ZIC5: variants seen among roughly 807,000 people sequenced by gnomAD.
ZIC5 encodes zinc finger protein ZIC 5.
A neutral mutation model predicts 28.5 loss-of-function variants in ZIC5; 20 were observed. That is an observed-to-expected ratio of 0.70 (90% CI 0.49 to 1.02). ZIC5 has a LOEUF of 1.02. Ranked by LOEUF, ZIC5 falls within the 50% of genes least tolerant of loss-of-function variation. The pLI, the probability that ZIC5 is intolerant of heterozygous loss-of-function variation, is 0.00. For synonymous variants in ZIC5, 488 were observed against 410.4 expected (o/e 1.19, Z -2.29); for missense variants, 951 against 899.7 (o/e 1.06, Z -0.73).
chr13:99,971,889 G>T, upstream of ZIC5: 2 of 612,102 alleles, frequency 3.3e-6, no homozygotes, highest in Non-Finnish European at 5.5e-6. Flanking sequence ...TCAGGCCCTC[G>T]ACCCAGCGGG....
At chr13:99,969,377 G>A (rs1374631054) in intron 1 of ZIC5, among the ~76,000 whole-genome samples, 4 of 152,194 alleles carry the variant, frequency 2.6e-5, no homozygotes, top group Non-Finnish European at 5.9e-5. Context: ...CGTGTGAGAG[G>A]GCGCGTGGGG....
At chr13:99,965,954 T>G in intron 1 of ZIC5, 135 bp from the exon 2 acceptor site, 1 of 965,356 alleles carries the variant, frequency 1.0e-6, no homozygotes, top group Non-Finnish European at 1.5e-6. Flanking sequence ...TTCTTCCTAA[T>G]TCACAAAAGG....
In ZIC5 at chr13:99,971,114, TGCC is replaced by T; in HGVS notation, c.487_489del (p.Gly163del). 9 of 1,416,352 alleles carry T rather than the reference TGCC, an allele frequency of 6.4e-6. No individual in the cohort carries two copies. The highest frequency in any genetic ancestry group is 3.2e-5 in the East Asian group (1 of 31,592). 87.7% of individuals were successfully genotyped at this position (1,416,352 alleles called of 1,614,324 possible). ...TCCCTGCTGTGGCCTTTGCCGCTGC[TGCC>T]GCCGCCGCCACTGTTGGTGGTGGTG... On this transcript the variant is annotated inframe_deletion, in exon 1 of 2. Coordinates refer to ENST00000267294, the MANE Select transcript of ZIC5 (RefSeq NM_033132.5).
chr13:99,970,524 G>A lies in ZIC5; in HGVS notation c.1080C>T (p.Phe360=). 8.9e-7 allele frequency: 1 copy of A among 1,122,836 alleles called. No homozygotes were observed. 69.6% of individuals were successfully genotyped at this position (1,122,836 alleles called of 1,614,324 possible). ...HPHLPGAAGA[F]LRYMRQPIKQ... is the part of the protein sequence containing the mutation. ...TGATTGGCTGCCGCATGTAGCGCAG[G>A]AAGGCCCCAGCCGCCCCTGGGAGGT... The change falls in exon 1 of 2, where the codon TTC becomes TTT. Residue 360 remains phenylalanine (F), a synonymous_variant. Coordinates refer to ENST00000267294, the MANE Select transcript of ZIC5 (RefSeq NM_033132.5).
chr13:99,968,417 C>T lies in ZIC5; in HGVS notation c.1477+1710G>A, dbSNP rs553123781. Reference sequence around the variant, plus strand: ...CCCAAATGACCGCGGGTCCCCTCGCCGCCTGGGGTCCCCCGCGCCCCCCCC... The same window carrying T: ...CCCAAATGACCGCGGGTCCCCTCGCTGCCTGGGGTCCCCCGCGCCCCCCCC... On this transcript the variant is annotated intron_variant, in intron 1 of 1. Coordinates refer to ENST00000267294, the MANE Select transcript of ZIC5 (RefSeq NM_033132.5). 3.3e-5 allele frequency among the ~76,000 whole-genome samples: 5 copies of T among 152,208 alleles called. No individual in the cohort carries two copies. The East Asian group carries it at 9.7e-4, about 30-fold the overall frequency.
rs761356618 is a variant in ZIC5, at chr13:99,970,140, C to T, written c.1464G>A (p.Lys488=). Residue 488 remains lysine, a synonymous_variant, in exon 1 of 2, where the codon AAG becomes AAA. Coordinates refer to ENST00000267294, the MANE Select transcript of ZIC5 (RefSeq NM_033132.5). ...FARSENLKIH[K]RTHTGEKPFK... ...ACAGACACCCACCTGTATGAGTACG[C>T]TTGTGGATCTTGAGGTTCTCGGAGC... The T allele has an allele frequency of 5.0e-6, 8 of 1,606,614 alleles. No individual in the cohort carries two copies. In the South Asian group the frequency reaches 8.8e-5, roughly 18 times the overall value.
In ZIC5 at chr13:99,970,416, C is replaced by CGGCGGT. The variant is rs1555331233; in HGVS notation, c.1187_1188insACCGCC (p.Pro399_Pro400dup). On this transcript the variant is annotated inframe_insertion, in exon 1 of 2. Coordinates refer to ENST00000267294, the MANE Select transcript of ZIC5 (RefSeq NM_033132.5). ...TGGCGCCGCCGGCCGGGGGCGGTGGCGGCGGCGGCGGCGGCGGCGGCGGCG... is the reference window on the plus strand; with the variant it reads ...TGGCGCCGCCGGCCGGGGGCGGTGGCGGCGGTGGCGGCGGCGGCGGCGGCGGCGGCG... 14 of 507,354 alleles carry CGGCGGT rather than the reference C, an allele frequency of 2.8e-5. No individual in the cohort carries two copies. In the African/African-American group the frequency reaches 1.9e-3, roughly 68 times the overall value. 31.4% of individuals were successfully genotyped at this position (507,354 alleles called of 1,614,324 possible).
Position 99,970,435 on chromosome 13 carries a change from G to A in ZIC5, c.1169C>T (p.Pro390Leu). The A allele has an allele frequency of 9.6e-7, 1 of 1,040,156 alleles. No individual in the cohort carries two copies. The allele number at this position is 1,040,156 out of a possible 1,614,324, so 64.4% of individuals were successfully genotyped here. ...CGGTGGCGGCGGCGGCGGCGGCGGCGGCGGCGGCGGCGGCAGCCCGGCCAG... is the reference window on the plus strand; with the variant it reads ...CGGTGGCGGCGGCGGCGGCGGCGGCAGCGGCGGCGGCGGCAGCCCGGCCAG... ...DELAGLPPPP[P>L]PPPPPPPPPP... The change falls in exon 1 of 2, where the codon CCG (proline) becomes CTG (leucine). Residue 390 changes from proline (P) to leucine (L), a missense_variant. Coordinates refer to ENST00000267294, the MANE Select transcript of ZIC5 (RefSeq NM_033132.5).
intron 1 of ZIC5, among the ~76,000 whole-genome samples, chr13:99,969,882 T>TCCGCCGTGTGGGAACC (rs1213599899): frequency 1.3e-5 from 2 of 148,148 alleles, no homozygotes; most frequent in Non-Finnish European, 3.0e-5. Context: ...CGCTGGAGAC[T>TCCGCCGTGTGGGAACC]CCGCCGTGTG....
At position 99,971,197 on chromosome 13, in the gene ZIC5, GT is replaced by G; in HGVS notation, c.406del (p.Thr136ProfsTer171). The G allele has an allele frequency of 7.7e-7, 1 of 1,301,672 alleles. No individual in the cohort carries two copies. 80.6% of individuals were successfully genotyped at this position (1,301,672 alleles called of 1,614,324 possible). On this transcript the variant is annotated frameshift_variant, in exon 1 of 2. Coordinates refer to ENST00000267294, the MANE Select transcript of ZIC5 (RefSeq NM_033132.5). LOFTEE classifies it high-confidence loss of function. ...CGGGGGAGGGGGAGGGGGTGAAGGG[GT>G]GGGAGGAAGAGGAGGGGCTGGGGGC... ...PPPPAPPLPP[T>X]PSPPPPPPPP...
At position 99,971,267 on chromosome 13, in the gene ZIC5, G is replaced by T; in HGVS notation, c.337C>A (p.Pro113Thr). The stretch of plus-strand genomic sequence containing the variant: ...GCGCCACTGCTGCCCCCGCCGCAGG[G>T]GTAGCTGCCCGCGCCGGGGTGCGCG... ...LVAHPGAGSYPCGGGSSGAQP... is the reference protein window; with the variant it reads ...LVAHPGAGSYTCGGGSSGAQP... The change falls in exon 1 of 2, where the codon CCC (proline) becomes ACC (threonine). Residue 113 changes from proline (P) to threonine (T), a missense_variant. By Grantham distance (38) the Pro-to-Thr change is conservative. Around this residue, in one of 3 missense-constraint regions of ZIC5, gnomAD observed 784 missense variants for 660.1 expected, o/e 1.19. Transcript: ENST00000267294. The T allele has an allele frequency of 4.5e-6, 6 of 1,341,178 alleles. No individual in the cohort carries two copies. The highest frequency in any genetic ancestry group is 5.7e-6 in the Non-Finnish European group (6 of 1,055,238). The allele number at this position is 1,341,178 out of a possible 1,614,324, so 83.1% of individuals were successfully genotyped here.
Position 99,971,475 on chromosome 13 carries a change from T to TCCCA in ZIC5, c.128_129insTGGG (p.Gln43HisfsTer18), listed in dbSNP as rs2053159272. On this transcript the variant is annotated frameshift_variant, in exon 1 of 2. Coordinates refer to ENST00000267294, the MANE Select transcript of ZIC5 (RefSeq NM_033132.5). LOFTEE classifies it high-confidence loss of function. The stretch of plus-strand genomic sequence containing the variant: ...GGAGGTGCGCGACGGCGGCCCGGAG[T>TCCCA]TGGGAGTGGGCGGGCGGGCCGGCCA... 7 of 1,549,012 alleles carry TCCCA rather than the reference T, an allele frequency of 4.5e-6. No homozygotes were observed. The highest frequency in any genetic ancestry group is 6.1e-6 in the Non-Finnish European group (7 of 1,146,480).
chr13:99,965,653 C>T lies in ZIC5; in HGVS notation c.1644G>A (p.Met548Ile). The change falls in exon 2 of 2, where the codon ATG becomes ATA. Residue 548 changes from methionine (M) to isoleucine (I), a missense_variant. By Grantham distance (10) the Met-to-Ile change is conservative. Around this residue, in one of 3 missense-constraint regions of ZIC5, gnomAD observed 108 missense variants for 118.4 expected, o/e 0.91. Transcript: ENST00000267294. ...GTGGCGGGGACTTGCAGTGAATCTT[C>T]ATGTGCTTCCTCAGGGAGCTTGGGT... ...YTHPSSLRKH[M>I]KIHCKSPPPS... is the part of the protein sequence containing the mutation. 3 of 1,614,214 alleles carry T rather than the reference C, an allele frequency of 1.9e-6. No homozygotes were observed. The highest frequency in any genetic ancestry group is 2.5e-6 in the Non-Finnish European group (3 of 1,180,038).
Position 99,963,204 on chromosome 13 carries a change from A to T in ZIC5, c.*2173T>A, listed in dbSNP as rs2053070331. 1 of 152,582 alleles carries T rather than the reference A, an allele frequency of 6.6e-6. No individual in the cohort carries two copies. The highest frequency in any genetic ancestry group is 2.4e-5 in the African/African-American group (1 of 41,418). The allele number at this position is 152,582 out of a possible 1,614,324, so 9.5% of individuals were successfully genotyped here. A position where few individuals can be genotyped will look rare whatever the true frequency, so the allele number is the denominator to read the frequency against. On this transcript the variant is annotated 3_prime_UTR_variant, in exon 2 of 2. Coordinates refer to ENST00000267294, the MANE Select transcript of ZIC5 (RefSeq NM_033132.5). ...TATTCCTTTGTTTCATAATAAATAAACCTGTAGCATAATAAAGAATAGTGC... is the reference window on the plus strand; with the variant it reads ...TATTCCTTTGTTTCATAATAAATAATCCTGTAGCATAATAAAGAATAGTGC...
chr13:99,969,164 C>T (rs910030696), intron 1 of ZIC5, among the ~76,000 whole-genome samples: 11 of 152,360 alleles, frequency 7.2e-5, no homozygotes, highest in African/African-American at 2.2e-4. Flanking sequence ...CGCGCCGCAG[C>T]CGCCCTCCTC....
Position 99,965,392 on chromosome 13 carries a change from C to T in ZIC5, c.1905G>A (p.Val635=), listed in dbSNP as rs2053091904. 2 of 1,613,842 alleles carry T rather than the reference C, an allele frequency of 1.2e-6. No individual in the cohort carries two copies. The highest frequency in any genetic ancestry group is 1.7e-6 in the Non-Finnish European group (2 of 1,179,966). ...ATAATAAATTCTAATGTATCGTCCGCACAACTTCAGGGTTCCCGTAAATTT... is the reference window on the plus strand; with the variant it reads ...ATAATAAATTCTAATGTATCGTCCGTACAACTTCAGGGTTCCCGTAAATTT... ...DEEIYGNPEV[V]RTIH The change falls in exon 2 of 2, where the codon GTG becomes GTA. Residue 635 remains valine (V), a synonymous_variant. Coordinates refer to ENST00000267294, the MANE Select transcript of ZIC5 (RefSeq NM_033132.5).
chr13:99,970,475 T>A lies in ZIC5; in HGVS notation c.1129A>T (p.Ile377Phe). The change falls in exon 1 of 2, where the codon ATC becomes TTC. Residue 377 changes from isoleucine to phenylalanine, a missense_variant. By Grantham distance (21) the Ile-to-Phe change is conservative. This residue lies in a region of ZIC5 where 784 missense variants were observed against 660.1 expected (regional missense o/e 1.19). Transcript: ENST00000267294. ...PIKQELICKW[I>F]DPDELAGLPP... ...AGCCCGGCCAGCTCGTCGGGGTCGA[T>A]CCACTTGCAGATGAGCTCCTGCTTG... is the stretch of plus-strand genomic sequence containing the variant. The A allele has an allele frequency of 9.0e-7, 1 of 1,114,954 alleles. No individual in the cohort carries two copies. Among genetic ancestry groups the A allele is most frequent in the South Asian group, 2.7e-5 (1 of 36,698 alleles). 69.1% of individuals were successfully genotyped at this position (1,114,954 alleles called of 1,614,324 possible).
At chr13:99,967,348 T>C (rs2053107737) in intron 1 of ZIC5, among the ~76,000 whole-genome samples, 1 of 152,200 alleles carries the variant, frequency 6.6e-6, no homozygotes, top group African/African-American at 2.4e-5. Context: ...CAGTGATGTA[T>C]AAAGAGAGAA....
At position 99,965,367 on chromosome 13, in the gene ZIC5, A is replaced by T. The variant is rs2053091607; in HGVS notation, c.*10T>A. The T allele has an allele frequency of 6.2e-6, 10 of 1,607,128 alleles. No homozygotes were observed. Among genetic ancestry groups the T allele is most frequent in the Non-Finnish European group, 7.6e-6 (9 of 1,177,246 alleles). ...CTTATTATTTCACTTATTATTATTA[A>T]TAATAAATTCTAATGTATCGTCCGC... On this transcript the variant is annotated 3_prime_UTR_variant, in exon 2 of 2. Transcript: ENST00000267294.
Sources: gnomAD v4.1 joint callset for allele counts (sites outside exome capture counted in the v4.1 genomes callset) on GRCh38, gnomAD v4.1.1 for gene constraint, gnomAD v4.1.1 regional missense constraint, MANE v1.5 for transcripts, NCBI Gene and HGNC (gene_info 2026-07-23, HGNC 2026-07-21) for gene names.